MALRD1: variants seen among roughly 807,000 people sequenced by gnomAD.
The protein encoded by MALRD1 is MAM and LDL receptor class A domain containing 1.
Under a neutral mutation model 242.1 loss-of-function variants are expected in MALRD1, and 247 were observed. That is an observed-to-expected ratio of 1.02 (90% CI 0.92 to 1.13). MALRD1 has a LOEUF of 1.13. Among genes scored for constraint, MALRD1 ranks in the 50% most tolerant of loss-of-function variants. MALRD1 has a pLI of 0.00. For missense variants in MALRD1, 2,989 were observed against 2,533.1 expected (o/e 1.18, Z -3.86); for synonymous variants, 995 against 866.6 (o/e 1.15, Z -2.60).
chr10:19,088,536 C>CTTTTTTT (rs748953378), intron 4 of MALRD1, among the ~76,000 whole-genome samples: 13 of 110,024 alleles, frequency 1.2e-4, no homozygotes, highest in East Asian at 2.5e-4. Context: ...CTCTTTCTTT[C>CTTTTTTT]TTTTTTTTTT....
intron 36 of MALRD1, among the ~76,000 whole-genome samples, chr10:19,651,132 T>C (rs1840863650): frequency 1.3e-5 from 2 of 152,228 alleles, no homozygotes; most frequent in African/African-American, 4.8e-5. Flanking sequence ...TTTAAAAAAT[T>C]GTTAAATGGC....
chr10:19,218,420 A>G (rs933179740), intron 18 of MALRD1, among the ~76,000 whole-genome samples: 6 of 152,112 alleles, frequency 3.9e-5, no homozygotes, highest in Non-Finnish European at 7.4e-5. Flanking sequence ...GAAGAGTGTT[A>G]TATCTCTTAT....
intron 34 of MALRD1, 25 bp downstream of exon 34, chr10:19,595,482 G>A: frequency 6.5e-7 from 1 of 1,537,974 alleles, no homozygotes; most frequent in Non-Finnish European, 8.8e-7. Context: ...CTAACTCAAT[G>A]TGTAAGGGAA....
chr10:19,322,575 A>C (rs1367526816), intron 21 of MALRD1, among the ~76,000 whole-genome samples: 3 of 152,180 alleles, frequency 2.0e-5, no homozygotes, highest in Admixed American at 2.0e-4. Context: ...TGTTTAGAGA[A>C]GTTAAATAAT....
chr10:19,194,978 A>G (rs551957017), intron 14 of MALRD1, among the ~76,000 whole-genome samples: 1 of 152,122 alleles, frequency 6.6e-6, no homozygotes, highest in Non-Finnish European at 1.5e-5. Flanking sequence ...TACATTCACA[A>G]GTTTTAAATT....
At chr10:19,290,159 A>T (rs1015267562) in intron 21 of MALRD1, 4 of 152,126 alleles carry the variant, frequency 2.6e-5, no homozygotes, top group African/African-American at 9.7e-5. Context: ...CTGATATTCT[A>T]CTTTTTTTTG....
intron 21 of MALRD1, among the ~76,000 whole-genome samples, chr10:19,320,039 T>C (rs899246455): frequency 8.0e-6 from 1 of 125,704 alleles, no homozygotes; most frequent in Non-Finnish European, 1.6e-5. Context: ...TTTATAAAAC[T>C]GCTTTTTTTT....
At chr10:19,148,788 A>AATATATATATATATATATATATATAT (rs767384867) in intron 11 of MALRD1, among the ~76,000 whole-genome samples, 7 of 87,998 alleles carry the variant, frequency 8.0e-5, no homozygotes, top group Admixed American at 2.1e-4. Flanking sequence ...AAAAAAAAAA[A>AATATATATATATATATATATATATAT]ATATATATAT....
rs190677541 is a variant in MALRD1, at chr10:19,454,848, C to T, written c.5029+4358C>T. On this transcript the variant is annotated intron_variant, in intron 29 of 39. Coordinates refer to ENST00000454679, the MANE Select transcript of MALRD1 (RefSeq NM_001142308.3). ...AAGTTTCATATTTCTTTCTTACTTT[C>T]TATGCAAAAACTTACAACTCAATTT... 1.3e-4 allele frequency among the ~76,000 whole-genome samples: 20 copies of T among 152,046 alleles called. 1 individual carries two copies. The East Asian group carries it at 3.9e-3, about 29-fold the overall frequency.
chr10:19,228,561 G>A (rs993191060), intron 18 of MALRD1, among the ~76,000 whole-genome samples: 2 of 152,188 alleles, frequency 1.3e-5, no homozygotes, highest in African/African-American at 4.8e-5. Flanking sequence ...AAATGGAGCT[G>A]TAAATATGTT....
intron 24 of MALRD1, among the ~76,000 whole-genome samples, chr10:19,339,284 T>A (rs1220689220): frequency 1.3e-5 from 2 of 152,130 alleles, no homozygotes; most frequent in African/African-American, 4.8e-5. Context: ...ATTTCTGACC[T>A]CTCTCCTTGC....
intron 28 of MALRD1, among the ~76,000 whole-genome samples, chr10:19,415,983 G>A (rs533277930): frequency 3.9e-5 from 6 of 152,158 alleles, no homozygotes; most frequent in Non-Finnish European, 8.8e-5. Context: ...TAGAAACTGA[G>A]TGAGGAAAGT....
chr10:19,481,308 A>G (rs1182672730), intron 29 of MALRD1, among the ~76,000 whole-genome samples: 1 of 152,192 alleles, frequency 6.6e-6, no homozygotes, highest in Non-Finnish European at 1.5e-5. Context: ...GTTGCTATTA[A>G]TTGCCTGATA....
intron 31 of MALRD1, among the ~76,000 whole-genome samples, chr10:19,523,013 A>G (rs1426483736): frequency 2.0e-5 from 3 of 152,292 alleles, no homozygotes; most frequent in Admixed American, 2.0e-4. Flanking sequence ...CTTTATATCT[A>G]TTCTCTAAAT....
At chr10:19,691,352 G>C (rs1842812159) in intron 36 of MALRD1, among the ~76,000 whole-genome samples, 1 of 151,962 alleles carries the variant, frequency 6.6e-6, no homozygotes, top group Non-Finnish European at 1.5e-5. Flanking sequence ...AATTACTTTT[G>C]AGCATACAAA....
intron 19 of MALRD1, among the ~76,000 whole-genome samples, chr10:19,270,336 TCACA>T (rs200537040): frequency 0.4 from 52,250 of 130,044 alleles, 9,918 homozygotes; most frequent in South Asian, 0.53. Flanking sequence ...TCTCTCTCTC[TCACA>T]CACACACACA....
At chr10:19,491,114 T>C in intron 29 of MALRD1, 2 of 354,652 alleles carry the variant, frequency 5.6e-6, no homozygotes, top group Non-Finnish European at 1.2e-5. Context: ...TGCTATAGAC[T>C]CAGATCACCA....
chr10:19,579,855 G>T (rs770441017), intron 33 of MALRD1, among the ~76,000 whole-genome samples: 1 of 152,170 alleles, frequency 6.6e-6, no homozygotes, highest in Admixed American at 6.5e-5. Context: ...ATAATACTGG[G>T]CCTAAAGTTA....
In MALRD1 at chr10:19,347,799, A is replaced by C. The variant is rs529444777; in HGVS notation, c.3930A>C (p.Glu1310Asp). The C allele has an allele frequency of 1.3e-6, 2 of 1,550,490 alleles. No individual in the cohort carries two copies. The highest frequency in any genetic ancestry group is 2.0e-5 in the Admixed American group (1 of 50,970). The change falls in exon 25 of 40, where the codon GAA becomes GAC. Residue 1310 changes from glutamate to aspartate, a missense_variant. Transcript: ENST00000454679. ...CRTSSGRCDFEFDLCSWKQEK... is the reference protein window; with the variant it reads ...CRTSSGRCDFDFDLCSWKQEK... ...CCTCCAGTGGGCGCTGTGATTTCGA[A>C]TTTGATCTTTGTTCCTGGAAGCAGG...
Sources: allele counts gnomAD v4.1 joint callset (sites outside exome capture counted in the v4.1 genomes callset), GRCh38; gene constraint gnomAD v4.1.1; transcripts MANE v1.5; gene names NCBI Gene and HGNC (gene_info 2026-07-23, HGNC 2026-07-21).